The following SOX5 variants were observed in gnomAD, a reference collection of about 807,000 sequenced individuals.
The protein encoded by SOX5 is SRY-box transcription factor 5.
SOX5 carries 9 observed loss-of-function variants against 92.0 expected under a neutral mutation model. That is an observed-to-expected ratio of 0.10 (90% CI 0.06 to 0.17). SOX5 has a LOEUF of 0.17. Among genes scored for constraint, SOX5 ranks in the 10% least tolerant of loss-of-function variants. The pLI is 1.00. For synonymous variants in SOX5, 344 were observed against 336.3 expected (o/e 1.02, Z -0.25); for missense variants, 642 against 944.5 (o/e 0.68, Z 4.20).
intron 9 of SOX5, among the ~76,000 whole-genome samples, chr12:23,599,287 GT>G (rs1177142784): frequency 1.3e-5 from 2 of 152,226 alleles, no homozygotes; most frequent in East Asian, 3.8e-4. Context: ...ATCTGATTGT[GT>G]CTGGTCAGCT....
chr12:23,762,628 CTT>C (rs2094594844), intron 3 of SOX5: 4 of 491,078 alleles, frequency 8.1e-6, no homozygotes, highest in Non-Finnish European at 1.4e-5. Context: ...AAAAAAAAGT[CTT>C]TGGCTGACTC....
At chr12:24,198,869 A>AT (rs146514361) in intron 4 of SOX5, among the ~76,000 whole-genome samples, 13,612 of 152,216 alleles carry the variant, frequency 0.089, 795 homozygotes, top group Admixed American at 0.15. Context: ...TAGAAAAATA[A>AT]TAAAAACCCT....
chr12:24,198,533 G>A (rs750804906), intron 4 of SOX5, among the ~76,000 whole-genome samples: 4 of 152,148 alleles, frequency 2.6e-5, no homozygotes, highest in South Asian at 4.1e-4. Context: ...TATGTGTCAC[G>A]TCTACTTGCC....
At chr12:23,958,037 T>C (rs555420457) in intron 4 of SOX5, among the ~76,000 whole-genome samples, 5 of 152,238 alleles carry the variant, frequency 3.3e-5, no homozygotes, top group Non-Finnish European at 5.9e-5. Flanking sequence ...TATTTATTTT[T>C]AAATCTTGCA....
At chr12:24,175,229 G>C (rs923668054) in intron 4 of SOX5, among the ~76,000 whole-genome samples, 1 of 152,156 alleles carries the variant, frequency 6.6e-6, no homozygotes, top group African/African-American at 2.4e-5. Context: ...CATGTAGTGG[G>C]AACAATTTTC....
chr12:23,929,141 A>G (rs1430912352), intron 1 of SOX5, among the ~76,000 whole-genome samples: 4 of 151,968 alleles, frequency 2.6e-5, no homozygotes, highest in African/African-American at 7.2e-5. Flanking sequence ...GAGATTTTGA[A>G]TTATCTCACA....
intron 4 of SOX5, among the ~76,000 whole-genome samples, chr12:24,128,164 T>G (rs993147179): frequency 1.3e-5 from 2 of 152,228 alleles, no homozygotes; most frequent in Non-Finnish European, 2.9e-5. Context: ...TTGTGGGTTT[T>G]GCTGTTATTT....
intron 1 of SOX5, among the ~76,000 whole-genome samples, chr12:24,556,525 G>C (rs1953800887): frequency 6.6e-6 from 1 of 152,188 alleles, no homozygotes. Context: ...TTTCCACACG[G>C]ACTTTCTGTT....
intron 1 of SOX5, among the ~76,000 whole-genome samples, chr12:24,414,421 A>G (rs1029874633): frequency 6.6e-6 from 1 of 152,220 alleles, no homozygotes; most frequent in Non-Finnish European, 1.5e-5. Context: ...TTTATATTCC[A>G]GGGAAAAAGT....
intron 3 of SOX5, among the ~76,000 whole-genome samples, chr12:23,759,339 T>C (rs914565988): frequency 6.6e-6 from 1 of 152,024 alleles, no homozygotes; most frequent in African/African-American, 2.4e-5. Context: ...TTTACTTATA[T>C]AGTAGAAGGA....
chr12:24,075,138 G>C (rs914790900), intron 4 of SOX5, among the ~76,000 whole-genome samples: 2 of 151,502 alleles, frequency 1.3e-5, no homozygotes, highest in African/African-American at 4.8e-5. Context: ...GCGTGGTGGT[G>C]CTTGCTTGTA....
intron 8 of SOX5, among the ~76,000 whole-genome samples, chr12:23,614,664 T>C (rs1184401048): frequency 6.6e-6 from 1 of 152,254 alleles, no homozygotes; most frequent in African/African-American, 2.4e-5. Flanking sequence ...CTTCTGCTTA[T>C]CCATGTCCTA....
At chr12:23,842,113 T>C (rs1166594813) in intron 3 of SOX5, among the ~76,000 whole-genome samples, 7 of 152,124 alleles carry the variant, frequency 4.6e-5, no homozygotes, top group Admixed American at 6.5e-5. Context: ...TTAGTAACTT[T>C]GGAAATGAAT....
intron 3 of SOX5, among the ~76,000 whole-genome samples, chr12:23,841,211 A>C (rs1328094669): frequency 6.6e-6 from 1 of 152,146 alleles, no homozygotes; most frequent in Non-Finnish European, 1.5e-5. Context: ...CACACAAAAG[A>C]TGCTGAACAT....
chr12:23,714,763 A>G (rs1192727694), intron 6 of SOX5, among the ~76,000 whole-genome samples: 1 of 152,218 alleles, frequency 6.6e-6, no homozygotes, highest in Non-Finnish European at 1.5e-5. Context: ...GCTATTATCT[A>G]TAGATGAAAA....
chr12:24,216,755 C>T (rs570296493), intron 3 of SOX5, among the ~76,000 whole-genome samples: 1 of 152,222 alleles, frequency 6.6e-6, no homozygotes, highest in Admixed American at 6.5e-5. Context: ...TGGCAAAACC[C>T]CATCTCTACC....
intron 1 of SOX5, among the ~76,000 whole-genome samples, chr12:24,371,321 T>C (rs1956713502): frequency 6.6e-6 from 1 of 152,070 alleles, no homozygotes; most frequent in Non-Finnish European, 1.5e-5. Context: ...AAAACAAGTA[T>C]AAGTTCGGAG....
chr12:23,537,013 TATC>T (rs1022005073), intron 13 of SOX5, among the ~76,000 whole-genome samples: 5 of 152,034 alleles, frequency 3.3e-5, no homozygotes, highest in Admixed American at 1.3e-4. Context: ...CATGATATGT[TATC>T]ATGCATTTTG....
intron 6 of SOX5, among the ~76,000 whole-genome samples, chr12:23,667,877 T>C (rs957329939): frequency 5.0e-4 from 76 of 152,212 alleles, no homozygotes; most frequent in African/African-American, 1.8e-3. Flanking sequence ...TTAATCTATG[T>C]GAGCGACTAA....
Sources: allele counts gnomAD v4.1 joint callset (sites outside exome capture counted in the v4.1 genomes callset), GRCh38; gene constraint gnomAD v4.1.1; transcripts MANE v1.5; gene names NCBI Gene and HGNC (gene_info 2026-07-23, HGNC 2026-07-21).